ZDHHC14: variants seen among roughly 807,000 people sequenced by gnomAD.
ZDHHC14 encodes zDHHC palmitoyltransferase 14.
A neutral mutation model predicts 47.7 loss-of-function variants in ZDHHC14; 16 were observed. That is an observed-to-expected ratio of 0.34 (90% CI 0.23 to 0.51). ZDHHC14 has a LOEUF of 0.51. ZDHHC14 is among the 20% of genes least tolerant of loss of function. The probability of loss-of-function intolerance (pLI) is 0.97; values close to 1 mark genes in which losing one functional copy is unlikely to be tolerated. For missense variants in ZDHHC14, 515 were observed against 662.5 expected, an observed-to-expected ratio of 0.78 and a Z score of 2.44; for synonymous variants, 293 against 278.9, an observed-to-expected ratio of 1.05 and a Z score of -0.50.
intron 1 of ZDHHC14, among the ~76,000 whole-genome samples, chr6:157,441,506 G>A (rs959036680): frequency 6.6e-6 from 1 of 152,160 alleles, no homozygotes; most frequent in Non-Finnish European, 1.5e-5. Context: ...TGCAAATCTA[G>A]ACACAGCTTC....
chr6:157,424,145 G>A (rs950316731), intron 1 of ZDHHC14, among the ~76,000 whole-genome samples: 1 of 152,232 alleles, frequency 6.6e-6, no homozygotes, highest in African/African-American at 2.4e-5. Flanking sequence ...TTCTGTAGAT[G>A]TTTGAGAGGC....
At chr6:157,414,203 C>T (rs1167268241) in intron 1 of ZDHHC14, among the ~76,000 whole-genome samples, 1 of 152,158 alleles carries the variant, frequency 6.6e-6, no homozygotes, top group Non-Finnish European at 1.5e-5. Context: ...TGATTACAGG[C>T]GTGCACCACC....
intron 3 of ZDHHC14, among the ~76,000 whole-genome samples, chr6:157,614,841 G>C (rs1784901922): frequency 6.6e-6 from 1 of 151,750 alleles, no homozygotes; most frequent in African/African-American, 2.4e-5. Context: ...TGCAATCTTG[G>C]CTCACTGTAA....
chr6:157,459,123 C>T (rs1325451014), intron 1 of ZDHHC14, among the ~76,000 whole-genome samples: 1 of 152,070 alleles, frequency 6.6e-6, no homozygotes, highest in Non-Finnish European at 1.5e-5. Context: ...AACCACCGTT[C>T]TTAACTGTTT....
chr6:157,478,038 ATCTG>A (rs1319843867), intron 1 of ZDHHC14, among the ~76,000 whole-genome samples: 1 of 152,204 alleles, frequency 6.6e-6, no homozygotes, highest in African/African-American at 2.4e-5. Flanking sequence ...CAGTTAATAT[ATCTG>A]TCTATTTAAA....
intron 3 of ZDHHC14, among the ~76,000 whole-genome samples, chr6:157,616,119 T>C (rs1387786584): frequency 6.6e-6 from 1 of 152,140 alleles, no homozygotes; most frequent in Admixed American, 6.5e-5. Context: ...TGGAAGGCCC[T>C]GTTGGCAACA....
intron 1 of ZDHHC14, among the ~76,000 whole-genome samples, chr6:157,440,414 T>C (rs1056697956): frequency 6.6e-6 from 1 of 152,130 alleles, no homozygotes; most frequent in Non-Finnish European, 1.5e-5. Context: ...ATACAAGTGT[T>C]TATGAGGACA....
At chr6:157,439,798 G>A (rs1405023723) in intron 1 of ZDHHC14, among the ~76,000 whole-genome samples, 1 of 152,186 alleles carries the variant, frequency 6.6e-6, no homozygotes. Flanking sequence ...AGGCAATGTG[G>A]TGCATATATA....
intron 1 of ZDHHC14, among the ~76,000 whole-genome samples, chr6:157,536,031 C>G (rs17445094): frequency 0.18 from 27,524 of 152,178 alleles, 4,012 homozygotes; most frequent in African/African-American, 0.4. Context: ...CAATGCTACT[C>G]TGATTATTTC....
At chr6:157,465,898 C>T (rs546854560) in intron 1 of ZDHHC14, among the ~76,000 whole-genome samples, 1 of 152,216 alleles carries the variant, frequency 6.6e-6, no homozygotes, top group South Asian at 2.1e-4. Flanking sequence ...AAAAATTAGC[C>T]GGGCATGGTG....
intron 3 of ZDHHC14, among the ~76,000 whole-genome samples, chr6:157,595,143 A>G (rs932822720): frequency 8.8e-6 from 1 of 113,236 alleles, no homozygotes; most frequent in African/African-American, 3.4e-5. Context: ...TTGTCCACTC[A>G]TTTATCCTCT....
At chr6:157,592,778 T>C in intron 2 of ZDHHC14, 1 of 1,370,402 alleles carries the variant, frequency 7.3e-7, no homozygotes, top group Non-Finnish European at 9.4e-7. Context: ...CAGAGCTCAG[T>C]CACGTGGCCC....
chr6:157,494,822 C>T (rs530157691), intron 1 of ZDHHC14, among the ~76,000 whole-genome samples: 17 of 152,208 alleles, frequency 1.1e-4, no homozygotes, highest in African/African-American at 4.1e-4. Flanking sequence ...ATTCCAAATC[C>T]GTTTCATATC....
At chr6:157,406,095 G>A (rs1258186286) in intron 1 of ZDHHC14, among the ~76,000 whole-genome samples, 1 of 152,192 alleles carries the variant, frequency 6.6e-6, no homozygotes, top group Non-Finnish European at 1.5e-5. Context: ...TAGCGGGAGA[G>A]GTAATGCATG....
chr6:157,543,240 G>A (rs1781841080), intron 2 of ZDHHC14, among the ~76,000 whole-genome samples: 1 of 152,116 alleles, frequency 6.6e-6, no homozygotes, highest in Admixed American at 6.5e-5. Context: ...GTATTGAGAT[G>A]AATAGCTTTA....
intron 1 of ZDHHC14, among the ~76,000 whole-genome samples, chr6:157,501,278 A>G (rs1358152359): frequency 1.3e-5 from 2 of 152,050 alleles, no homozygotes; most frequent in African/African-American, 2.4e-5. Flanking sequence ...AAATAATTTG[A>G]CATACTTTAT....
intron 1 of ZDHHC14, among the ~76,000 whole-genome samples, chr6:157,426,291 A>G (rs1778218218): frequency 6.6e-6 from 1 of 152,150 alleles, no homozygotes; most frequent in African/African-American, 2.4e-5. Flanking sequence ...GGATGACCTA[A>G]GGACTCGACT....
chr6:157,416,962 T>G, intron 1 of ZDHHC14, among the ~76,000 whole-genome samples: 1 of 137,868 alleles, frequency 7.3e-6, no homozygotes, highest in African/African-American at 2.7e-5. Flanking sequence ...CCCGCCACCA[T>G]GCCTGGCTAG....
At chr6:157,619,641 G>A (rs953327026) in intron 3 of ZDHHC14, among the ~76,000 whole-genome samples, 1 of 152,084 alleles carries the variant, frequency 6.6e-6, no homozygotes, top group African/African-American at 2.4e-5. Flanking sequence ...ACTTTACATT[G>A]TAGCATAAAG....
Sources: allele counts gnomAD v4.1 joint callset (sites outside exome capture counted in the v4.1 genomes callset), GRCh38; gene constraint gnomAD v4.1.1; transcripts MANE v1.5; gene names NCBI Gene and HGNC (gene_info 2026-07-23, HGNC 2026-07-21).